The following SLC9B2 variants were observed in gnomAD, a reference collection of about 807,000 sequenced individuals.
SLC9B2 encodes the protein solute carrier family 9 member B2.
In SLC9B2, 39 loss-of-function variants were observed where a neutral mutation model predicts 52.2. The ratio of observed to expected loss-of-function variants is 0.75; its 90% CI spans 0.58 to 0.98. The LOEUF (loss-of-function observed/expected upper bound fraction) is 0.98, where lower values mean the gene tolerates loss of function less well. Ranked by LOEUF, SLC9B2 falls within the 50% of genes least tolerant of loss-of-function variation. The pLI is 0.00. For synonymous variants in SLC9B2, 214 were observed against 227.0 expected (o/e 0.94, Z 0.51); for missense variants, 626 against 637.5 (o/e 0.98, Z 0.19).
chr4:103,072,056 GTTTTTTTTTT>G (rs779979130), intron 1 of SLC9B2, among the ~76,000 whole-genome samples: 1 of 95,306 alleles, frequency 1.0e-5, no homozygotes, highest in Admixed American at 1.3e-4. Context: ...TGGCTTTCAT[GTTTTTTTTTT>G]TTTTTTTTTT....
At chr4:103,036,411 T>A (rs144267639) in intron 9 of SLC9B2, among the ~76,000 whole-genome samples, 4 of 152,134 alleles carry the variant, frequency 2.6e-5, no homozygotes, top group African/African-American at 9.6e-5. Context: ...TTGAAAATAG[T>A]ATGCTGATTA....
chr4:103,074,198 G>A (rs1437203009), intron 1 of SLC9B2, among the ~76,000 whole-genome samples: 1 of 152,186 alleles, frequency 6.6e-6, no homozygotes, highest in Non-Finnish European at 1.5e-5. Context: ...ATTCACCCAT[G>A]AAGAAAAGTC....
intron 7 of SLC9B2, among the ~76,000 whole-genome samples, chr4:103,046,664 T>C (rs1460763721): frequency 6.7e-6 from 1 of 148,290 alleles, no homozygotes; most frequent in Non-Finnish European, 1.5e-5. Flanking sequence ...TTGTGTGAAG[T>C]CTCCACACAT....
intron 3 of SLC9B2, 126 bp downstream of exon 3, chr4:103,066,201 T>C (rs1333326593): frequency 9.0e-7 from 1 of 1,114,396 alleles, no homozygotes; most frequent in African/African-American, 1.6e-5. Flanking sequence ...GTGTGTGAAT[T>C]GTTCACCAAC....
chr4:103,031,686 T>C lies in SLC9B2; in HGVS notation c.1255+14A>G. On this transcript the variant is annotated intron_variant, in intron 10 of 11. Transcript: ENST00000394785. ...AAAGTGAATTTTAACAAAAGCACAT[T>C]TTGAAATTCTTACCTACAGTTTCTG... is the stretch of plus-strand genomic sequence containing the variant. 6.2e-7 allele frequency: 1 copy of C among 1,601,352 alleles called. No individual in the cohort carries two copies. The highest frequency in any genetic ancestry group is 1.1e-5 in the South Asian group (1 of 89,592).
chr4:103,047,317 T>C, intron 6 of SLC9B2, 91 bp from the exon 7 acceptor site: 1 of 1,066,224 alleles, frequency 9.4e-7, no homozygotes, highest in African/African-American at 1.6e-5. Context: ...GGGGTTATAC[T>C]TGGACAACAA....
At chr4:103,063,853 A>G (rs1745873589) in intron 3 of SLC9B2, among the ~76,000 whole-genome samples, 2 of 152,242 alleles carry the variant, frequency 1.3e-5, no homozygotes, top group South Asian at 4.1e-4. Flanking sequence ...TAGCAGGAAA[A>G]CAAATAATCC....
downstream of SLC9B2, among the ~76,000 whole-genome samples, chr4:103,021,618 G>GA (rs1741797914): frequency 6.6e-6 from 1 of 152,152 alleles, no homozygotes; most frequent in African/African-American, 2.4e-5. Context: ...TCTTAACTGA[G>GA]AGCAATTTTT....
At chr4:103,028,660 T>C in intron 11 of SLC9B2, 87 bp downstream of exon 11, 1 of 1,438,696 alleles carries the variant, frequency 7.0e-7, no homozygotes, top group Non-Finnish European at 9.3e-7. Flanking sequence ...TTATTTTCAC[T>C]AAATTTAAAC....
At position 103,031,707 on chromosome 4, in the gene SLC9B2, T is replaced by A. The variant is rs1314937947; in HGVS notation, c.1248A>T (p.Glu416Asp). The change falls in exon 10 of 12, where the codon GAA becomes GAT. Residue 416 changes from glutamate (E) to aspartate (D), a missense_variant. By Grantham distance (45) the Glu-to-Asp change is conservative. Coordinates refer to ENST00000394785, the MANE Select transcript of SLC9B2 (RefSeq NM_178833.7). ...ACATTTTGAAATTCTTACCTACAGT[T>A]TCTGGTCTGAGAGATGCAATAGATA... ...AEVSIASLRPETVGLCVATVG... is the reference protein window; with the variant it reads ...AEVSIASLRPDTVGLCVATVG... The A allele has an allele frequency of 4.3e-6, 7 of 1,611,300 alleles. No individual in the cohort carries two copies. Among genetic ancestry groups the A allele is most frequent in the Non-Finnish European group, 5.9e-6 (7 of 1,178,514 alleles).
intron 9 of SLC9B2, among the ~76,000 whole-genome samples, chr4:103,037,421 G>A (rs1235516278): frequency 6.6e-6 from 1 of 152,184 alleles, no homozygotes; most frequent in Non-Finnish European, 1.5e-5. Flanking sequence ...ATGCTAAAAT[G>A]AGGACTTACT....
At chr4:103,020,253 G>GTT (rs10676315), downstream of SLC9B2, 47,730 of 381,456 alleles carry the variant, frequency 0.13, 1,417 homozygotes, top group African/African-American at 0.21. Flanking sequence ...ACCTTTGTGA[G>GTT]TTTTTTTTTT....
chr4:103,020,913 C>G (rs1183771737), downstream of SLC9B2, among the ~76,000 whole-genome samples: 3 of 152,196 alleles, frequency 2.0e-5, no homozygotes, highest in Non-Finnish European at 4.4e-5. Flanking sequence ...CAAGCGTGAG[C>G]CACCACAGCC....
chr4:103,029,990 T>C (rs1398899075), intron 10 of SLC9B2, among the ~76,000 whole-genome samples: 1 of 152,148 alleles, frequency 6.6e-6, no homozygotes, highest in African/African-American at 2.4e-5. Context: ...TGGTTCTTTG[T>C]TGAAAGGTAT....
intron 3 of SLC9B2, among the ~76,000 whole-genome samples, chr4:103,062,186 G>A (rs577891790): frequency 2.0e-5 from 3 of 152,232 alleles, no homozygotes; most frequent in East Asian, 1.9e-4. Flanking sequence ...TTTGGGAGAC[G>A]CCGAGGCAGG....
In SLC9B2 at chr4:103,038,649, T is replaced by C. The variant is rs576501521; in HGVS notation, c.1146+4647A>G. On this transcript the variant is annotated intron_variant, in intron 9 of 11. Transcript: ENST00000394785. ...AGTAAGAATCTGAAAAAATATCAAT[T>C]ACTTTGGAGGACCAACAAAGGAGAA... 2.0e-5 allele frequency among the ~76,000 whole-genome samples: 3 copies of C among 152,324 alleles called. No individual in the cohort carries two copies. In the East Asian group the frequency reaches 5.8e-4, roughly 29 times the overall value.
At chr4:103,029,172 C>G (rs1742480955) in intron 10 of SLC9B2, among the ~76,000 whole-genome samples, 1 of 152,024 alleles carries the variant, frequency 6.6e-6, no homozygotes, top group South Asian at 2.1e-4. Flanking sequence ...TAGCAAGAAC[C>G]ATGCTTGTTC....
intron 11 of SLC9B2, among the ~76,000 whole-genome samples, chr4:103,027,900 T>G (rs1174786133): frequency 2.0e-5 from 3 of 152,164 alleles, no homozygotes; most frequent in Non-Finnish European, 1.5e-5. Flanking sequence ...CAAAGCCTCC[T>G]AAATGAAAAA....
intron 10 of SLC9B2, among the ~76,000 whole-genome samples, chr4:103,029,595 T>C (rs1319868057): frequency 6.6e-6 from 1 of 152,104 alleles, no homozygotes; most frequent in Non-Finnish European, 1.5e-5. Context: ...ACACAGCTAC[T>C]CCATTTAGTC....
Sources: allele counts gnomAD v4.1 joint callset (sites outside exome capture counted in the v4.1 genomes callset), GRCh38; gene constraint gnomAD v4.1.1; transcripts MANE v1.5; gene names NCBI Gene and HGNC (gene_info 2026-07-23, HGNC 2026-07-21).